KLKB1: variants seen among roughly 807,000 people sequenced by gnomAD.
KLKB1 encodes plasma kallikrein.
A neutral mutation model predicts 73.6 loss-of-function variants in KLKB1; 58 were observed. The ratio of observed to expected loss-of-function variants is 0.79; its 90% CI spans 0.64 to 0.98. KLKB1 has a LOEUF of 0.98. KLKB1 is among the 50% of genes least tolerant of loss of function. The pLI, the probability that KLKB1 is intolerant of heterozygous loss-of-function variation, is 0.00. For synonymous variants in KLKB1, 280 were observed against 258.1 expected (o/e 1.08, Z -0.81); for missense variants, 737 against 763.8 (o/e 0.96, Z 0.41).
intron 7 of KLKB1, 157 bp downstream of exon 7, chr4:186,250,559 G>C: frequency 2.5e-6 from 2 of 800,046 alleles, no homozygotes; most frequent in East Asian, 2.6e-5. Flanking sequence ...TGTTCTGCCA[G>C]GTGCAGATTA....
intron 4 of KLKB1, 86 bp from the exon 5 acceptor site, chr4:186,236,695 A>G: frequency 7.1e-7 from 1 of 1,404,390 alleles, no homozygotes; most frequent in Non-Finnish European, 1.0e-6. Context: ...ATCATTCTAA[A>G]CTACCAACCC....
In KLKB1 at chr4:186,228,563, CTCTATT is replaced by C. The variant is rs1254342932; in HGVS notation, c.58+312_58+317del. On this transcript the variant is annotated intron_variant, in intron 2 of 14. Coordinates refer to ENST00000264690, the MANE Select transcript of KLKB1 (RefSeq NM_000892.5). ...AACTTGAAACAAAAAAAAATTAGTC[CTCTATT>C]TTTATTATCAACAGTAAAAAATTAA... 2.0e-5 allele frequency among the ~76,000 whole-genome samples: 3 copies of C among 152,262 alleles called. No homozygotes were observed. The East Asian group carries it at 5.8e-4, about 29-fold the overall frequency.
chr4:186,218,654 G>A (rs968459984), intron 2 of KLKB1, among the ~76,000 whole-genome samples: 6 of 101,654 alleles, frequency 5.9e-5, no homozygotes, highest in East Asian at 4.0e-4. Context: ...GTGTGTGTGC[G>A]CATGTGTGTG....
intron 2 of KLKB1, 67 bp downstream of exon 2, chr4:186,228,320 C>A (rs1737242251): frequency 6.2e-6 from 6 of 970,278 alleles, no homozygotes; most frequent in South Asian, 3.9e-5. Flanking sequence ...AGTGGCACCA[C>A]CCCTGGAGAA....
chr4:186,250,231 G>A lies in KLKB1; in HGVS notation c.599-12G>A, dbSNP rs375887458. ...ATTTCCTAAGGAACATCTTCTCTCTGTGAGTTCACAGGTTGCCACATGAAC... is the reference window on the plus strand; with the variant it reads ...ATTTCCTAAGGAACATCTTCTCTCTATGAGTTCACAGGTTGCCACATGAAC... On this transcript the variant is annotated splice_polypyrimidine_tract_variant and intron_variant, in intron 6 of 14. Transcript: ENST00000264690. 12 of 1,613,434 alleles carry A rather than the reference G, an allele frequency of 7.4e-6. No individual in the cohort carries two copies. Among genetic ancestry groups the A allele is most frequent in the Non-Finnish European group, 9.3e-6 (11 of 1,179,522 alleles).
chr4:186,245,390 A>C (rs927893597), intron 6 of KLKB1, among the ~76,000 whole-genome samples: 4 of 152,128 alleles, frequency 2.6e-5, no homozygotes, highest in Admixed American at 2.6e-4. Context: ...TAAGCCAAGA[A>C]GATCTGGGAA....
chr4:186,239,137 T>TAGTA (rs1737869420), intron 6 of KLKB1, among the ~76,000 whole-genome samples: 1 of 135,572 alleles, frequency 7.4e-6, no homozygotes, highest in Admixed American at 7.2e-5. Context: ...TATAGGAAAC[T>TAGTA]AGTACAGTGA....
chr4:186,258,036 C>A lies in KLKB1; in HGVS notation c.1741C>A (p.Pro581Thr). The change falls in exon 15 of 15, where the codon CCC becomes ACC. Residue 581 changes from proline to threonine, a missense_variant. Physicochemically the swap from Pro to Thr is conservative, Grantham distance 38 (BLOSUM62 -1). Transcript: ENST00000264690. ...KDACKGDSGG[P>T]LVCKHNGMWR... ...TGTGACTCAGGGAGATTCAGGTGGT[C>A]CCTTAGTTTGCAAACACAATGGAAT... is the stretch of plus-strand genomic sequence containing the variant. The A allele has an allele frequency of 6.2e-7, 1 of 1,613,930 alleles. No homozygotes were observed. The highest frequency in any genetic ancestry group is 1.1e-5 in the South Asian group (1 of 91,064).
intron 2 of KLKB1, among the ~76,000 whole-genome samples, chr4:186,228,694 G>T (rs756404292): frequency 7.9e-5 from 12 of 152,134 alleles, no homozygotes; most frequent in Non-Finnish European, 1.5e-4. Context: ...ACTCTGGACC[G>T]CTAGGGAACC....
chr4:186,218,928 G>A (rs1279347043), intron 2 of KLKB1, among the ~76,000 whole-genome samples: 1 of 152,166 alleles, frequency 6.6e-6, no homozygotes, highest in Non-Finnish European at 1.5e-5. Context: ...AGTCAACAGT[G>A]CAGCCTTCAG....
intron 6 of KLKB1, among the ~76,000 whole-genome samples, chr4:186,238,975 G>GT (rs199606645): frequency 1.6e-4 from 9 of 56,346 alleles, no homozygotes; most frequent in African/African-American, 2.1e-4. Flanking sequence ...AGAGTTATAG[G>GT]ACAGTGATAT....
intron 2 of KLKB1, among the ~76,000 whole-genome samples, chr4:186,220,114 T>C (rs1171258419): frequency 6.6e-6 from 1 of 151,936 alleles, no homozygotes; most frequent in Non-Finnish European, 1.5e-5. Flanking sequence ...CAGAAGGTAA[T>C]GTATTGGGAA....
At chr4:186,238,397 T>TG in intron 6 of KLKB1, 32 bp downstream of exon 6, 1 of 1,463,374 alleles carries the variant, frequency 6.8e-7, no homozygotes, top group South Asian at 1.1e-5. Flanking sequence ...TTTGTGATTG[T>TG]GGTAGGTGGA....
chr4:186,235,222 C>T (rs1313322259), intron 4 of KLKB1, among the ~76,000 whole-genome samples: 1 of 152,140 alleles, frequency 6.6e-6, no homozygotes, highest in Non-Finnish European at 1.5e-5. Flanking sequence ...CGAGTAAGTG[C>T]TATTTCTGAT....
rs1364390819 is a variant in KLKB1, at chr4:186,256,073, T to C, written c.1571T>C (p.Phe524Ser). Residue 524 changes from phenylalanine (F) to serine (S), a missense_variant, in exon 13 of 15, where the codon TTC becomes TCC. Transcript: ENST00000264690. ...YTNCWVTGWG[F>S]SKEKGEIQNI... ...AACTGTTGGGTAACCGGATGGGGCT[T>C]CTCGAAGGAGAAAGGTAAGCATGAC... 1 of 1,606,920 alleles carries C rather than the reference T, an allele frequency of 6.2e-7. No homozygotes were observed. The highest frequency in any genetic ancestry group is 8.5e-7 in the Non-Finnish European group (1 of 1,173,546).
At chr4:186,211,596 GC>G (rs1440908109) in intron 2 of KLKB1, 1 of 152,136 alleles carries the variant, frequency 6.6e-6, no homozygotes, top group Admixed American at 6.6e-5. Flanking sequence ...ACAGGCATGA[GC>G]CACCATGCCT....
At chr4:186,245,524 A>G (rs1396442321) in intron 6 of KLKB1, among the ~76,000 whole-genome samples, 2 of 152,190 alleles carry the variant, frequency 1.3e-5, no homozygotes, top group Non-Finnish European at 2.9e-5. Context: ...GAGGAATCCC[A>G]GGCTGCGGGC....
intron 6 of KLKB1, 37 bp from the exon 7 acceptor site, chr4:186,250,206 A>T (rs373116662): frequency 5.6e-6 from 9 of 1,604,618 alleles, no homozygotes; most frequent in Non-Finnish European, 7.7e-6. Context: ...GCCTCATGTC[A>T]TTTCCTAAGG....
chr4:186,241,983 A>G (rs1199513010), intron 6 of KLKB1, among the ~76,000 whole-genome samples: 1 of 152,192 alleles, frequency 6.6e-6, no homozygotes, highest in Non-Finnish European at 1.5e-5. Context: ...TGAAGAGACC[A>G]CTAAACAGGC....
Sources: allele counts gnomAD v4.1 joint callset (sites outside exome capture counted in the v4.1 genomes callset), GRCh38; gene constraint gnomAD v4.1.1; transcripts MANE v1.5; gene names NCBI Gene and HGNC (gene_info 2026-07-23, HGNC 2026-07-21).